ACBD6: variants seen among roughly 807,000 people sequenced by gnomAD.
ACBD6 encodes the protein acyl-CoA binding domain containing 6.
In ACBD6, 28 loss-of-function variants were observed where a neutral mutation model predicts 37.2. That is an observed-to-expected ratio of 0.75 (90% CI 0.56 to 1.03). ACBD6 has a LOEUF of 1.03. Ranked by LOEUF, ACBD6 falls within the 50% of genes least tolerant of loss-of-function variation. The pLI is 0.00. For missense variants in ACBD6, 340 were observed against 337.4 expected (o/e 1.01, Z -0.06); for synonymous variants, 113 against 126.8 (o/e 0.89, Z 0.73).
At chr1:180,352,194 TA>T (rs931385517) in intron 6 of ACBD6, among the ~76,000 whole-genome samples, 5 of 152,224 alleles carry the variant, frequency 3.3e-5, no homozygotes, top group Admixed American at 2.0e-4. Flanking sequence ...TTTGGGAAGA[TA>T]AAAAAGTTCT....
chr1:180,274,292 G>A, intron 10 of ACBD6: 1 of 1,614,224 alleles, frequency 6.2e-7, no homozygotes, highest in Non-Finnish European at 8.5e-7. Flanking sequence ...GGACGGGACA[G>A]GACAATCCTA....
At chr1:180,427,335 T>A (rs1648623087) in intron 4 of ACBD6, among the ~76,000 whole-genome samples, 1 of 152,212 alleles carries the variant, frequency 6.6e-6, no homozygotes, top group African/African-American at 2.4e-5. Flanking sequence ...TAGAAAAGAA[T>A]TTTTGCTTTC....
intron 6 of ACBD6, among the ~76,000 whole-genome samples, chr1:180,387,486 T>C (rs1434096603): frequency 2.0e-5 from 3 of 152,180 alleles, no homozygotes; most frequent in Non-Finnish European, 1.5e-5. Context: ...GGGCAGGAGA[T>C]GAAAGTCTAG....
chr1:180,323,399 T>G (rs968560000), intron 6 of ACBD6, among the ~76,000 whole-genome samples: 2 of 152,104 alleles, frequency 1.3e-5, no homozygotes, highest in African/African-American at 4.8e-5. Context: ...TGAAATGTTC[T>G]GTAAATATCT....
intron 3 of ACBD6, among the ~76,000 whole-genome samples, chr1:180,440,068 A>G (rs1022286337): frequency 6.6e-6 from 1 of 152,064 alleles, no homozygotes; most frequent in Non-Finnish European, 1.5e-5. Context: ...TTCAGTTGGC[A>G]ATGAATTACC....
chr1:180,436,069 TA>T, intron 3 of ACBD6: 1 of 602,814 alleles, frequency 1.7e-6, no homozygotes. Flanking sequence ...ACCTCCAGGT[TA>T]AAGATGATTC....
chr1:180,365,441 C>A (rs1173306781), intron 6 of ACBD6, among the ~76,000 whole-genome samples: 23 of 152,148 alleles, frequency 1.5e-4, no homozygotes, highest in Non-Finnish European at 8.8e-5. Context: ...GTTTTGTGAC[C>A]ATGAGACTTT....
intron 6 of ACBD6, among the ~76,000 whole-genome samples, chr1:180,396,712 G>A (rs1036898472): frequency 5.9e-5 from 9 of 151,970 alleles, no homozygotes; most frequent in African/African-American, 1.2e-4. Flanking sequence ...TTAGTCATTA[G>A]GGAAATGTAA....
chr1:180,407,797 G>C (rs998157834), intron 5 of ACBD6, among the ~76,000 whole-genome samples: 7 of 152,168 alleles, frequency 4.6e-5, no homozygotes, highest in African/African-American at 1.7e-4. Flanking sequence ...AGTAATAAGT[G>C]AAAGTACTCT....
At chr1:180,332,037 T>C (rs923499848) in intron 6 of ACBD6, among the ~76,000 whole-genome samples, 3 of 152,170 alleles carry the variant, frequency 2.0e-5, no homozygotes, top group Admixed American at 2.0e-4. Context: ...TCCTTGTACC[T>C]CACAATGGGT....
At chr1:180,394,926 CT>C (rs1473153345) in intron 6 of ACBD6, among the ~76,000 whole-genome samples, 1 of 151,970 alleles carries the variant, frequency 6.6e-6, no homozygotes, top group East Asian at 1.9e-4. Flanking sequence ...GCAAATTTTC[CT>C]TACTATATAA....
intron 6 of ACBD6, among the ~76,000 whole-genome samples, chr1:180,362,665 C>G (rs1652894074): frequency 6.6e-6 from 1 of 152,142 alleles, no homozygotes; most frequent in Non-Finnish European, 1.5e-5. Flanking sequence ...AATGACAACT[C>G]AGAAGCTCCA....
chr1:180,495,857 T>C (rs992713328), intron 1 of ACBD6, among the ~76,000 whole-genome samples: 3 of 152,202 alleles, frequency 2.0e-5, no homozygotes, highest in African/African-American at 7.2e-5. Context: ...TTTATTACCA[T>C]GTATAAAGTA....
chr1:180,301,738 C>T (rs774260303), intron 7 of ACBD6, among the ~76,000 whole-genome samples: 17 of 152,050 alleles, frequency 1.1e-4, no homozygotes, highest in Non-Finnish European at 2.1e-4. Flanking sequence ...ACAAGAACTG[C>T]GAGATCACTT....
chr1:180,425,441 G>C (rs139958847), intron 4 of ACBD6, among the ~76,000 whole-genome samples: 1 of 152,284 alleles, frequency 6.6e-6, no homozygotes, highest in East Asian at 1.9e-4. Flanking sequence ...GTTGATCATA[G>C]GCAACATGGT....
intron 6 of ACBD6, among the ~76,000 whole-genome samples, chr1:180,373,658 T>C (rs2101918128): frequency 6.6e-6 from 1 of 152,280 alleles, no homozygotes; most frequent in African/African-American, 2.4e-5. Context: ...GGATCAGAAA[T>C]TGCTAAATAT....
intron 9 of ACBD6, chr1:180,276,792 GTT>G (rs1383650732): frequency 6.8e-6 from 1 of 148,018 alleles, no homozygotes; most frequent in African/African-American, 2.5e-5. Flanking sequence ...GGCCCTTGAA[GTT>G]TTTGGTGAGT....
chr1:180,290,178 G>T (rs913003106), intron 7 of ACBD6, among the ~76,000 whole-genome samples: 1 of 147,368 alleles, frequency 6.8e-6, no homozygotes, highest in Non-Finnish European at 1.5e-5. Flanking sequence ...CAAGAGAAAG[G>T]GTATGGAGCT....
intron 6 of ACBD6, among the ~76,000 whole-genome samples, chr1:180,370,168 G>T (rs1244063987): frequency 6.6e-6 from 1 of 152,158 alleles, no homozygotes; most frequent in Non-Finnish European, 1.5e-5. Flanking sequence ...AATAAAGAAT[G>T]ATAAATTACA....
Sources: gnomAD v4.1 joint callset for allele counts (sites outside exome capture counted in the v4.1 genomes callset) on GRCh38, gnomAD v4.1.1 for gene constraint, MANE v1.5 for transcripts, NCBI Gene and HGNC (gene_info 2026-07-23, HGNC 2026-07-21) for gene names.